The following INPP4B variants were observed in gnomAD, a reference collection of about 807,000 sequenced individuals.
The protein encoded by INPP4B is inositol polyphosphate-4-phosphatase type II B, also known as inositol polyphosphate 4-phosphatase type II.
A neutral mutation model predicts 122.5 loss-of-function variants in INPP4B; 55 were observed. The ratio of observed to expected loss-of-function variants is 0.45; its 90% confidence interval spans 0.36 to 0.56. The LOEUF is 0.56. INPP4B is among the 20% of genes least tolerant of loss of function. The pLI, the probability that INPP4B is intolerant of heterozygous loss-of-function variation, is 0.00. For missense variants in INPP4B, 1,000 were observed against 1,097.7 expected, an observed-to-expected ratio of 0.91 and a Z score of 1.26; for synonymous variants, 403 against 388.7, an observed-to-expected ratio of 1.04 and a Z score of -0.43.
intron 2 of INPP4B, among the ~76,000 whole-genome samples, chr4:142,607,705 C>A (rs566289389): frequency 6.6e-6 from 1 of 152,130 alleles, no homozygotes; most frequent in African/African-American, 2.4e-5. Context: ...TTCACATTAG[C>A]CTTGTTTTAC....
Position 142,202,893 on chromosome 4 carries a change from T to C in INPP4B, c.1072+5532A>G, listed in dbSNP as rs190589477. The C allele has an allele frequency of 8.2e-6, 3 of 364,546 alleles. No homozygotes were observed. The Admixed American group carries it at 1.9e-4, about 24-fold the overall frequency. The allele number at this position is 364,546 out of a possible 1,614,324, so 22.6% of individuals were successfully genotyped here. On this transcript the variant is annotated intron_variant, in intron 14 of 25. Transcript: ENST00000262992. ...GCTCAAATCAGGAACTGAAAAGCCA[T>C]GAGAGACTATCTCTGCCTTTCCTCT...
At chr4:142,241,081 A>T (rs1365985026) in intron 11 of INPP4B, among the ~76,000 whole-genome samples, 1 of 152,220 alleles carries the variant, frequency 6.6e-6, no homozygotes, top group Non-Finnish European at 1.5e-5. Context: ...AACTGTGTGA[A>T]TGACTTTCAT....
At chr4:142,229,023 C>T (rs1852898079) in intron 12 of INPP4B, among the ~76,000 whole-genome samples, 1 of 151,560 alleles carries the variant, frequency 6.6e-6, no homozygotes, top group Non-Finnish European at 1.5e-5. Flanking sequence ...AAATATAAAA[C>T]CAAGGCCCTA....
At chr4:142,465,822 T>C (rs1817654615) in intron 2 of INPP4B, among the ~76,000 whole-genome samples, 1 of 152,082 alleles carries the variant, frequency 6.6e-6, no homozygotes, top group Non-Finnish European at 1.5e-5. Context: ...ATTTGGTTGT[T>C]TAAAAGAGTG....
At chr4:142,136,474 C>A (rs575020956) in intron 18 of INPP4B, among the ~76,000 whole-genome samples, 9 of 152,250 alleles carry the variant, frequency 5.9e-5, no homozygotes, top group Non-Finnish European at 8.8e-5. Context: ...ATTGGTCTCA[C>A]ACTCACAGCC....
intron 5 of INPP4B, among the ~76,000 whole-genome samples, chr4:142,417,933 G>A (rs1156596169): frequency 1.3e-5 from 2 of 152,064 alleles, no homozygotes; most frequent in Non-Finnish European, 2.9e-5. Flanking sequence ...GTTGTTATTT[G>A]TATATGTCTG....
intron 2 of INPP4B, among the ~76,000 whole-genome samples, chr4:142,634,862 A>G (rs1748747041): frequency 6.6e-6 from 1 of 151,730 alleles, no homozygotes; most frequent in African/African-American, 2.4e-5. Flanking sequence ...CTGGAAAAAA[A>G]TGAAAATATT....
intron 2 of INPP4B, among the ~76,000 whole-genome samples, chr4:142,498,704 T>C (rs1441457726): frequency 6.6e-6 from 1 of 151,928 alleles, no homozygotes; most frequent in Non-Finnish European, 1.5e-5. Flanking sequence ...GATTGGAAGA[T>C]TGCTTGAGCC....
At chr4:142,455,641 T>C (rs965027651) in intron 3 of INPP4B, among the ~76,000 whole-genome samples, 5 of 152,064 alleles carry the variant, frequency 3.3e-5, no homozygotes, top group Non-Finnish European at 7.4e-5. Flanking sequence ...CTCTTCTATA[T>C]ACTGTTTTTC....
intron 1 of INPP4B, among the ~76,000 whole-genome samples, chr4:142,758,636 T>C (rs1770846528): frequency 6.6e-6 from 1 of 152,000 alleles, no homozygotes; most frequent in African/African-American, 2.4e-5. Flanking sequence ...CACAGAAACA[T>C]GACAAAGAAA....
At chr4:142,305,766 A>G in intron 8 of INPP4B, 1 of 1,344,276 alleles carries the variant, frequency 7.4e-7, no homozygotes, top group Non-Finnish European at 9.6e-7. Flanking sequence ...CCAACAGGCT[A>G]GAAAATAACA....
At chr4:142,059,708 C>T (rs1490544867) in intron 25 of INPP4B, among the ~76,000 whole-genome samples, 2 of 152,100 alleles carry the variant, frequency 1.3e-5, no homozygotes, top group Non-Finnish European at 2.9e-5. Flanking sequence ...ACTAAATCAA[C>T]CAAGGTCAGC....
intron 2 of INPP4B, among the ~76,000 whole-genome samples, chr4:142,675,200 G>T (rs560934247): frequency 1.3e-5 from 2 of 151,844 alleles, no homozygotes; most frequent in African/African-American, 4.8e-5. Context: ...ACAAACCACC[G>T]TCAGAGAATA....
At chr4:142,550,666 C>A (rs1215105786) in intron 2 of INPP4B, among the ~76,000 whole-genome samples, 2 of 150,772 alleles carry the variant, frequency 1.3e-5, no homozygotes, top group Non-Finnish European at 3.0e-5. Flanking sequence ...TTTCTCTCAT[C>A]CCTTGTACCT....
intron 7 of INPP4B, among the ~76,000 whole-genome samples, chr4:142,385,125 C>A (rs1443529401): frequency 6.6e-6 from 1 of 152,128 alleles, no homozygotes; most frequent in Non-Finnish European, 1.5e-5. Context: ...GGTAAATACA[C>A]AGTAACAGGA....
rs59531746 is a variant in INPP4B at position 142,718,337 on chromosome 4, G to C, written c.-191+7502C>G. 7.8e-3 allele frequency among the ~76,000 whole-genome samples: 1,191 copies of C among 152,290 alleles called. 11 individuals carry two copies. The highest frequency in any genetic ancestry group is 0.027 in the African/African-American group (1,113 of 41,558). Reference sequence around the variant, plus strand: ...TTTTTAAGTGTAGTTAAAACAGTTTGTTTAAAACTGGCGGGCTCTCTATTC... The same window carrying C: ...TTTTTAAGTGTAGTTAAAACAGTTTCTTTAAAACTGGCGGGCTCTCTATTC... On this transcript the variant is annotated intron_variant, in intron 2 of 25. Transcript: ENST00000262992.
chr4:142,101,982 T>C (rs183902241), intron 23 of INPP4B, among the ~76,000 whole-genome samples: 38 of 152,198 alleles, frequency 2.5e-4, no homozygotes, highest in Admixed American at 5.2e-4. Context: ...ATTTTAGATA[T>C]TCCACATTGT....
At chr4:142,532,339 G>T (rs1827716212) in intron 2 of INPP4B, among the ~76,000 whole-genome samples, 1 of 152,058 alleles carries the variant, frequency 6.6e-6, no homozygotes, top group Admixed American at 6.6e-5. Context: ...TCTTTGCAGG[G>T]GCTGTTTCTC....
At chr4:142,212,500 G>A (rs188734134) in intron 12 of INPP4B, among the ~76,000 whole-genome samples, 1 of 152,254 alleles carries the variant, frequency 6.6e-6, no homozygotes. Flanking sequence ...ATCAGGGCGT[G>A]GAGTACTTCT....
Sources: gnomAD v4.1 joint callset for allele counts (sites outside exome capture counted in the v4.1 genomes callset) on GRCh38, gnomAD v4.1.1 for gene constraint, MANE v1.5 for transcripts, NCBI Gene and HGNC (gene_info 2026-07-23, HGNC 2026-07-21) for gene names.